Variants in EPM2A observed in about 807,000 individuals in gnomAD.
EPM2A encodes the protein EPM2A glucan phosphatase, laforin.
A neutral mutation model predicts 26.5 loss-of-function variants in EPM2A; 21 were observed. The ratio of observed to expected loss-of-function variants is 0.79; its 90% CI spans 0.56 to 1.14. EPM2A has a LOEUF of 1.14. EPM2A is among the 50% of genes most tolerant of loss of function. EPM2A has a pLI of 0.00. For missense variants in EPM2A, 458 were observed against 440.8 expected (o/e 1.04, Z -0.35); for synonymous variants, 217 against 177.6 (o/e 1.22, Z -1.76).
At chr6:145,632,910 G>A (rs935585404) in intron 3 of EPM2A, among the ~76,000 whole-genome samples, 1 of 152,232 alleles carries the variant, frequency 6.6e-6, no homozygotes, top group African/African-American at 2.4e-5. Context: ...TCTTACAGCT[G>A]GGCCTTTATC....
intron 2 of EPM2A, among the ~76,000 whole-genome samples, chr6:145,593,232 C>G (rs959725945): frequency 6.6e-6 from 1 of 151,964 alleles, no homozygotes; most frequent in Non-Finnish European, 1.5e-5. Flanking sequence ...ATGATAAAGG[C>G]CTATTCTCCA....
intron 4 of EPM2A, among the ~76,000 whole-genome samples, chr6:145,433,140 T>A (rs1431444509): frequency 6.6e-6 from 1 of 152,204 alleles, no homozygotes; most frequent in Admixed American, 6.5e-5. Flanking sequence ...TTATCATTTA[T>A]GTGTTCACAG....
chr6:145,527,578 G>A (rs1286192931), intron 2 of EPM2A, among the ~76,000 whole-genome samples: 1 of 151,764 alleles, frequency 6.6e-6, no homozygotes, highest in Non-Finnish European at 1.5e-5. Context: ...AAGTCTTTTG[G>A]TTGCTATTTA....
rs1340937080 is a variant in EPM2A at position 145,626,484 on chromosome 6, C to A, written c.*932G>T. The A allele has an allele frequency of 1.0e-6, 1 of 985,872 alleles. No individual in the cohort carries two copies. Among genetic ancestry groups the A allele is most frequent in the Non-Finnish European group, 1.2e-6 (1 of 829,950 alleles). The allele number at this position is 985,872 out of a possible 1,614,324, so 61.1% of individuals were successfully genotyped here. A position where few individuals can be genotyped will look rare whatever the true frequency, so the allele number is the denominator to read the frequency against. The stretch of plus-strand genomic sequence containing the variant: ...CAAAATACAACTAATTTCCTAGATT[C>A]TTTGGCAACTGATCAGAATACTATT... On this transcript the variant is annotated 3_prime_UTR_variant, in exon 4 of 4. Transcript: ENST00000367519.
chr6:145,622,988 G>A (rs560685516), downstream of EPM2A, among the ~76,000 whole-genome samples: 1 of 152,220 alleles, frequency 6.6e-6, no homozygotes, highest in South Asian at 2.1e-4. Flanking sequence ...TTCCTTATTT[G>A]TAAAACAGGG....
intron 4 of EPM2A, among the ~76,000 whole-genome samples, chr6:145,431,498 A>G (rs1778921040): frequency 6.6e-6 from 1 of 152,246 alleles, no homozygotes. Flanking sequence ...TTTTCCCAGT[A>G]TATATAAAAG....
intron 4 of EPM2A, among the ~76,000 whole-genome samples, chr6:145,386,120 G>C (rs1420083193): frequency 6.6e-6 from 1 of 152,162 alleles, no homozygotes; most frequent in East Asian, 1.9e-4. Flanking sequence ...AAAGATTTTA[G>C]GGAAAGGTGT....
At chr6:145,436,881 C>T (rs77986757) in intron 4 of EPM2A, among the ~76,000 whole-genome samples, 13,248 of 151,568 alleles carry the variant, frequency 0.087, 698 homozygotes, top group African/African-American at 0.14. Context: ...TTAGAATTTC[C>T]ATCTTTTTAT....
At chr6:145,714,226 G>A (rs187318211) in intron 1 of EPM2A, among the ~76,000 whole-genome samples, 1 of 152,308 alleles carries the variant, frequency 6.6e-6, no homozygotes, top group Non-Finnish European at 1.5e-5. Context: ...ACCACCAGCA[G>A]ATACCAAAAT....
intron 2 of EPM2A, among the ~76,000 whole-genome samples, chr6:145,521,809 T>C (rs1168380492): frequency 1.3e-5 from 2 of 152,084 alleles, no homozygotes; most frequent in African/African-American, 2.4e-5. Flanking sequence ...CTTGCAGGGA[T>C]TGGATGTATT....
chr6:145,479,206 CA>C (rs1427652682), intron 4 of EPM2A, among the ~76,000 whole-genome samples: 2 of 147,658 alleles, frequency 1.4e-5, no homozygotes, highest in Non-Finnish European at 3.0e-5. Context: ...CCATTTTTGC[CA>C]AATTTTTTTA....
At chr6:145,671,475 C>A in intron 2 of EPM2A, 2 of 728,930 alleles carry the variant, frequency 2.7e-6, no homozygotes. Flanking sequence ...TGATATAAGC[C>A]TTAGCTTTTG....
At chr6:145,683,485 T>C (rs747011321) in intron 2 of EPM2A, among the ~76,000 whole-genome samples, 1 of 151,890 alleles carries the variant, frequency 6.6e-6, no homozygotes, top group South Asian at 2.1e-4. Context: ...GAGAATTCAG[T>C]AGGATAGAGA....
chr6:145,446,762 T>A (rs754756748), intron 4 of EPM2A, among the ~76,000 whole-genome samples: 2 of 151,996 alleles, frequency 1.3e-5, no homozygotes, highest in Non-Finnish European at 2.9e-5. Context: ...TGCATAACTT[T>A]GGAGTCAACA....
chr6:145,727,780 AC>A (rs1443266415), intron 1 of EPM2A, among the ~76,000 whole-genome samples: 1 of 152,090 alleles, frequency 6.6e-6, no homozygotes. Context: ...GGTAATCACT[AC>A]CCTAATTTTT....
At chr6:145,466,925 T>C (rs1264850335) in intron 4 of EPM2A, among the ~76,000 whole-genome samples, 2 of 152,092 alleles carry the variant, frequency 1.3e-5, no homozygotes, top group African/African-American at 2.4e-5. Context: ...TTCTCACTCA[T>C]AGGTGGGAAC....
chr6:145,554,056 T>C (rs1254504158), intron 2 of EPM2A, among the ~76,000 whole-genome samples: 2 of 151,870 alleles, frequency 1.3e-5, no homozygotes, highest in African/African-American at 4.8e-5. Flanking sequence ...CACCTTACCA[T>C]AAATTTTTGT....
chr6:145,464,947 T>C (rs923323145), intron 4 of EPM2A, among the ~76,000 whole-genome samples: 4 of 152,140 alleles, frequency 2.6e-5, no homozygotes, highest in Non-Finnish European at 1.5e-5. Context: ...CTGACAATTA[T>C]GTGTCTTGGT....
intron 2 of EPM2A, among the ~76,000 whole-genome samples, chr6:145,607,123 C>T (rs1775281185): frequency 6.6e-6 from 1 of 152,128 alleles, no homozygotes; most frequent in African/African-American, 2.4e-5. Flanking sequence ...GCCTCCAAAC[C>T]ACTCCTGGTT....
Sources: gnomAD v4.1 joint callset for allele counts (sites outside exome capture counted in the v4.1 genomes callset) on GRCh38, gnomAD v4.1.1 for gene constraint, MANE v1.5 for transcripts, NCBI Gene and HGNC (gene_info 2026-07-23, HGNC 2026-07-21) for gene names.